Variants in VRK2 observed in about 807,000 individuals in gnomAD.
VRK2 encodes the protein serine/threonine-protein kinase VRK2.
VRK2 carries 60 observed loss-of-function variants against 57.6 expected under a neutral mutation model. The observed-to-expected ratio is 1.04, with a 90% CI of 0.85 to 1.29. VRK2 has a LOEUF of 1.29. Ranked by LOEUF, VRK2 falls within the 50% of genes most tolerant of loss-of-function variation. VRK2 has a pLI of 0.00. For missense variants in VRK2, 705 were observed against 588.1 expected (o/e 1.20, Z -2.06); for synonymous variants, 231 against 199.2 (o/e 1.16, Z -1.35).
intron 12 of VRK2, among the ~76,000 whole-genome samples, chr2:58,151,271 T>C (rs986160230): frequency 9.2e-5 from 14 of 151,850 alleles, no homozygotes; most frequent in African/African-American, 3.4e-4. Context: ...TGTTATTAGG[T>C]ATATGCAGAT....
At chr2:58,020,581 A>G (rs1437200907) in intron 1 of VRK2, among the ~76,000 whole-genome samples, 1 of 152,224 alleles carries the variant, frequency 6.6e-6, no homozygotes, top group East Asian at 1.9e-4. Flanking sequence ...AGAAAAATAC[A>G]TGTTCTATGT....
chr2:58,055,819 G>C (rs1165726248), intron 2 of VRK2, among the ~76,000 whole-genome samples: 1 of 152,134 alleles, frequency 6.6e-6, no homozygotes, highest in Admixed American at 6.5e-5. Context: ...GAAACAGAAA[G>C]ATTTTTAACA....
chr2:58,070,650 A>G (rs1037815448), intron 2 of VRK2, among the ~76,000 whole-genome samples: 1 of 152,128 alleles, frequency 6.6e-6, no homozygotes, highest in Non-Finnish European at 1.5e-5. Context: ...TTGTGGCTTG[A>G]TAGCACATTT....
At chr2:58,064,278 A>G (rs914443365) in intron 2 of VRK2, among the ~76,000 whole-genome samples, 7 of 152,116 alleles carry the variant, frequency 4.6e-5, no homozygotes, top group Non-Finnish European at 1.0e-4. Flanking sequence ...ATTGTGGGCT[A>G]CAGAGAAATC....
chr2:57,912,224 T>A (rs193230596), intron 1 of VRK2, among the ~76,000 whole-genome samples: 1 of 152,304 alleles, frequency 6.6e-6, no homozygotes, highest in Admixed American at 6.5e-5. Flanking sequence ...CATGGAAAAA[T>A]CCTGCAATTT....
At chr2:58,021,266 C>T (rs866573540) in intron 1 of VRK2, among the ~76,000 whole-genome samples, 4 of 151,912 alleles carry the variant, frequency 2.6e-5, no homozygotes, top group Middle Eastern at 3.2e-3. Flanking sequence ...TCCCTCCTTT[C>T]CAAGCTCACA....
chr2:58,106,636 T>G (rs76339147), intron 7 of VRK2, among the ~76,000 whole-genome samples: 6,124 of 151,986 alleles, frequency 0.04, 144 homozygotes, highest in Middle Eastern at 0.068. Context: ...TATGAAAGGA[T>G]AAAATTTTCA....
At chr2:58,095,665 TG>T (rs1242767161) in intron 7 of VRK2, among the ~76,000 whole-genome samples, 76 of 152,270 alleles carry the variant, frequency 5.0e-4, no homozygotes, top group African/African-American at 1.8e-3. Context: ...GTTTTAGTAA[TG>T]GTTCTTTAGA....
chr2:58,028,920 A>ATATG (rs1375305371), intron 2 of VRK2, among the ~76,000 whole-genome samples: 4 of 129,624 alleles, frequency 3.1e-5, no homozygotes, highest in African/African-American at 1.2e-4. Flanking sequence ...ATATATATAT[A>ATATG]TATATATATA....
chr2:58,150,795 GCTGT>G (rs772667355), intron 12 of VRK2, among the ~76,000 whole-genome samples: 18 of 150,772 alleles, frequency 1.2e-4, no homozygotes, highest in Middle Eastern at 3.4e-3. Context: ...CTGTGCTTTG[GCTGT>G]CTATTTCACA....
intron 8 of VRK2, among the ~76,000 whole-genome samples, chr2:58,126,154 A>G (rs920886277): frequency 6.6e-5 from 10 of 152,184 alleles, no homozygotes; most frequent in Non-Finnish European, 1.5e-4. Context: ...GCAAAAAAAA[A>G]AAAGTCACTA....
chr2:58,030,949 A>G (rs1298365297), intron 2 of VRK2, among the ~76,000 whole-genome samples: 2 of 152,078 alleles, frequency 1.3e-5, no homozygotes, highest in Non-Finnish European at 2.9e-5. Flanking sequence ...AGCTATGCTC[A>G]TCAGTCTGGC....
chr2:57,943,768 G>T (rs1435603498), intron 1 of VRK2, among the ~76,000 whole-genome samples: 1 of 152,218 alleles, frequency 6.6e-6, no homozygotes, highest in Non-Finnish European at 1.5e-5. Context: ...GGCATAGTTT[G>T]CCCTAGAGGT....
rs544145980 is a variant in VRK2 at position 57,982,859 on chromosome 2, A to G, written c.-438-42806A>G. On this transcript the variant is annotated intron_variant, in intron 1 of 15. Transcript: ENST00000417641. ...GCTCCAGTGCAGCCGTTCCCACACCAAACCATCAAGGCTCCACACGGGCTA... is the reference window on the plus strand; with the variant it reads ...GCTCCAGTGCAGCCGTTCCCACACCGAACCATCAAGGCTCCACACGGGCTA... Among the ~76,000 whole-genome samples, 7 of 152,274 alleles carry G rather than the reference A, an allele frequency of 4.6e-5. No homozygotes were observed. The South Asian group carries it at 1.4e-3, about 32-fold the overall frequency.
chr2:58,134,349 C>G (rs181108893), intron 9 of VRK2, among the ~76,000 whole-genome samples: 1 of 152,112 alleles, frequency 6.6e-6, no homozygotes, highest in South Asian at 2.1e-4. Context: ...CGGTGGCTCA[C>G]GCCTGTAATC....
intron 3 of VRK2, among the ~76,000 whole-genome samples, chr2:58,033,891 T>C (rs1286103327): frequency 6.6e-6 from 1 of 152,006 alleles, no homozygotes; most frequent in African/African-American, 2.4e-5. Flanking sequence ...GAAATGGGCA[T>C]GGTTTCTGTT....
Position 57,931,152 on chromosome 2 carries a change from T to C in VRK2, c.-439+23313T>C, listed in dbSNP as rs78252150. 6.6e-3 allele frequency among the ~76,000 whole-genome samples: 1,010 copies of C among 152,256 alleles called. 35 individuals are homozygous for C. In the East Asian group the frequency reaches 0.12, roughly 18 times the overall value. ...GGATAGTGATTTTTTTTTGTACGTA[T>C]ACCCAGTAATAAGACGGCTGGACCA... On this transcript the variant is annotated intron_variant, in intron 1 of 15. Coordinates refer to the VRK2 transcript ENST00000417641.
upstream of VRK2, among the ~76,000 whole-genome samples, chr2:58,043,652 A>T (rs1674554722): frequency 6.6e-6 from 1 of 152,130 alleles, no homozygotes; most frequent in Admixed American, 6.5e-5. Flanking sequence ...AGTTGATGGA[A>T]ATTTATTTCC....
chr2:58,042,688 A>G (rs1311141491), upstream of VRK2, among the ~76,000 whole-genome samples: 1 of 152,252 alleles, frequency 6.6e-6, no homozygotes, highest in African/African-American at 2.4e-5. Context: ...AGCAGAACGC[A>G]TGCCATACCT....
Sources: allele counts gnomAD v4.1 joint callset (sites outside exome capture counted in the v4.1 genomes callset), GRCh38; gene constraint gnomAD v4.1.1; transcripts MANE v1.5; gene names NCBI Gene and HGNC (gene_info 2026-07-23, HGNC 2026-07-21).